The following TP63 variants were observed in gnomAD, a reference collection of about 807,000 sequenced individuals.
TP63 encodes tumor protein 63.
Under a neutral mutation model 82.8 loss-of-function variants are expected in TP63, and 17 were observed. That is an observed-to-expected ratio of 0.21 (90% CI 0.14 to 0.31). The LOEUF (loss-of-function observed/expected upper bound fraction) is 0.31. Ranked by LOEUF, TP63 falls within the 10% of genes least tolerant of loss-of-function variation. TP63 has a pLI of 1.00. For synonymous variants in TP63, 330 were observed against 321.7 expected, an observed-to-expected ratio of 1.03 and a Z score of -0.28; for missense variants, 648 against 895.3, an observed-to-expected ratio of 0.72 and a Z score of 3.52.
chr3:189,765,780 G>A (rs543204845), intron 3 of TP63, among the ~76,000 whole-genome samples: 12 of 152,146 alleles, frequency 7.9e-5, no homozygotes, highest in African/African-American at 2.9e-4. Context: ...AAAAGCACTG[G>A]CCTAGGAGCC....
At chr3:189,777,866 T>TC in intron 3 of TP63, among the ~76,000 whole-genome samples, 1 of 133,104 alleles carries the variant, frequency 7.5e-6, no homozygotes, top group African/African-American at 2.9e-5. Flanking sequence ...TTTTTTTTTT[T>TC]TTTTTTTGAG....
At chr3:189,729,632 TTG>T (rs1201636014) in intron 1 of TP63, among the ~76,000 whole-genome samples, 3 of 152,114 alleles carry the variant, frequency 2.0e-5, no homozygotes, top group African/African-American at 7.2e-5. Context: ...TTTTTTGAAG[TTG>T]TGTTTTCTGA....
chr3:189,857,398 G>A (rs1371451680), intron 4 of TP63, among the ~76,000 whole-genome samples: 4 of 152,064 alleles, frequency 2.6e-5, no homozygotes, highest in Non-Finnish European at 5.9e-5. Context: ...AGTTCTAAAT[G>A]GAAGAGCTAA....
Position 189,749,710 on chromosome 3 carries a change from A to T in TP63, c.324+10936A>T, listed in dbSNP as rs73055253. On this transcript the variant is annotated intron_variant, in intron 3 of 13. Coordinates refer to ENST00000264731, the MANE Select transcript of TP63 (RefSeq NM_003722.5). ...TTATCCAAAGGAAAAAAATCAGTAT[A>T]TCAAAAAGGATACATGCACTTGCAT... is the stretch of plus-strand genomic sequence containing the variant. Among the ~76,000 whole-genome samples the T allele has an allele frequency of 6.7e-3, 1,015 of 152,340 alleles. 15 individuals are homozygous for T. Among genetic ancestry groups the T allele is most frequent in the African/African-American group, 0.022 (903 of 41,578 alleles).
intron 3 of TP63, among the ~76,000 whole-genome samples, chr3:189,782,446 T>C (rs1560179697): frequency 6.6e-6 from 1 of 152,186 alleles, no homozygotes; most frequent in Non-Finnish European, 1.5e-5. Context: ...GGCCAGGGAC[T>C]GGAATATATA....
At chr3:189,825,417 G>A (rs1298975839) in intron 4 of TP63, among the ~76,000 whole-genome samples, 3 of 152,152 alleles carry the variant, frequency 2.0e-5, no homozygotes, top group Admixed American at 6.6e-5. Flanking sequence ...TGAGTCTACC[G>A]ATTAATCCAG....
intron 1 of TP63, among the ~76,000 whole-genome samples, chr3:189,714,490 A>T: frequency 6.6e-6 from 1 of 152,284 alleles, no homozygotes; most frequent in African/African-American, 2.4e-5. Context: ...GTTAAAGTGT[A>T]TGTTCGTACA....
chr3:189,716,416 T>C (rs866536373), intron 1 of TP63, among the ~76,000 whole-genome samples: 32 of 33,284 alleles, frequency 9.6e-4, no homozygotes, highest in African/African-American at 2.2e-3. Flanking sequence ...ATTTCTGTGC[T>C]GAATTTAATT....
chr3:189,604,623 A>C, the TP63 span, among the ~76,000 whole-genome samples: 1 of 152,210 alleles, frequency 6.6e-6, no homozygotes, highest in Non-Finnish European at 1.5e-5. Flanking sequence ...ACCCCTAGAC[A>C]ACCAGATATC....
intron 9 of TP63, among the ~76,000 whole-genome samples, chr3:189,871,596 A>C (rs958998869): frequency 2.0e-5 from 3 of 152,194 alleles, no homozygotes; most frequent in African/African-American, 7.2e-5. Context: ...GGGTGCAGCA[A>C]CTGGGGTAAG....
intron 1 of TP63, among the ~76,000 whole-genome samples, 177 bp from the exon 2 acceptor site, chr3:189,737,563 A>G (rs539278288): frequency 8.1e-4 from 123 of 152,328 alleles, no homozygotes; most frequent in African/African-American, 2.9e-3. Context: ...GCAAAATTGG[A>G]TTCATTACAC....
chr3:189,858,278 G>A lies in TP63; in HGVS notation c.580-5954G>A, dbSNP rs1436746960. Among the ~76,000 whole-genome samples, 7 of 60,402 alleles carry A rather than the reference G, an allele frequency of 1.2e-4. 3 individuals are homozygous for A. The highest frequency in any genetic ancestry group is 5.4e-4 in the South Asian group (1 of 1,868). The allele number at this position is 60,402 out of a possible 152,430, so 39.6% of individuals were successfully genotyped here. On this transcript the variant is annotated intron_variant, in intron 4 of 13. Transcript: ENST00000264731. ...AAATTAGCCGGGCGAGGTGGCGGGC[G>A]CCTGTAGTCCCAGCTACTCGGGAGG...
chr3:189,753,842 T>C (rs973807721), intron 3 of TP63, among the ~76,000 whole-genome samples: 1 of 152,134 alleles, frequency 6.6e-6, no homozygotes, highest in Non-Finnish European at 1.5e-5. Flanking sequence ...TTTTTAGTGA[T>C]GGCTCTATAA....
At chr3:189,727,879 T>A (rs2108778962) in intron 1 of TP63, among the ~76,000 whole-genome samples, 1 of 152,368 alleles carries the variant, frequency 6.6e-6, no homozygotes, top group East Asian at 1.9e-4. Flanking sequence ...CATGCTATAA[T>A]GCTAAAATGA....
At chr3:189,867,689 AC>A in intron 6 of TP63, 143 bp from the exon 7 acceptor site, 2 of 765,182 alleles carry the variant, frequency 2.6e-6, no homozygotes, top group Non-Finnish European at 4.5e-6. Flanking sequence ...AGAAAAATCT[AC>A]AACAGGGTTC....
chr3:189,883,878 C>T (rs757520172), intron 10 of TP63, among the ~76,000 whole-genome samples: 4 of 150,516 alleles, frequency 2.7e-5, no homozygotes, highest in Non-Finnish European at 5.9e-5. Context: ...TAACCATAAG[C>T]TAAAGAAAGC....
intron 8 of TP63, among the ~76,000 whole-genome samples, chr3:189,868,958 C>T (rs1718075154): frequency 6.6e-6 from 1 of 152,200 alleles, no homozygotes; most frequent in Non-Finnish European, 1.5e-5. Flanking sequence ...CAAAATGTGA[C>T]TTCCACACCA....
chr3:189,873,413 A>G (rs1718676682), intron 10 of TP63: 1 of 277,340 alleles, frequency 3.6e-6, no homozygotes, highest in African/African-American at 2.2e-5. Context: ...TTTGGGAATA[A>G]CACTGTAGAC....
At chr3:189,834,303 T>G (rs1712800282) in intron 4 of TP63, among the ~76,000 whole-genome samples, 1 of 152,226 alleles carries the variant, frequency 6.6e-6, no homozygotes, top group Non-Finnish European at 1.5e-5. Flanking sequence ...CTTAATGATG[T>G]GTCTTACTGG....
Sources: gnomAD v4.1 joint callset for allele counts (sites outside exome capture counted in the v4.1 genomes callset) on GRCh38, gnomAD v4.1.1 for gene constraint, MANE v1.5 for transcripts, NCBI Gene and HGNC (gene_info 2026-07-23, HGNC 2026-07-21) for gene names.